DEFB116: variants seen among roughly 807,000 people sequenced by gnomAD.
DEFB116 encodes beta-defensin 116.
In DEFB116, 5 loss-of-function variants were observed where a neutral mutation model predicts 2.8. The ratio of observed to expected loss-of-function variants is 1.80; its 90% CI spans 0.94 to 3.79. The LOEUF (loss-of-function observed/expected upper bound fraction) is 3.79. Among genes scored for constraint, DEFB116 ranks in the 30% most tolerant of loss-of-function variants. The pLI is 0.00. For synonymous variants in DEFB116, 56 were observed against 40.8 expected, an observed-to-expected ratio of 1.37 and a Z score of -1.42; for missense variants, 170 against 118.0, an observed-to-expected ratio of 1.44 and a Z score of -2.04.
chr20:31,306,735 T>A (rs1036188488), intron 1 of DEFB116, among the ~76,000 whole-genome samples: 22 of 152,054 alleles, frequency 1.4e-4, no homozygotes, highest in Non-Finnish European at 5.9e-5. Flanking sequence ...AACCTCTAGA[T>A]CAGATGAATC....
chr20:31,305,681 C>A (rs1348375904), intron 1 of DEFB116, among the ~76,000 whole-genome samples: 1 of 151,812 alleles, frequency 6.6e-6, no homozygotes, highest in Non-Finnish European at 1.5e-5. Context: ...GCCCTCTGCA[C>A]CATGCTATAT....
chr20:31,303,973 G>A (rs868739645), intron 1 of DEFB116, among the ~76,000 whole-genome samples: 2 of 152,040 alleles, frequency 1.3e-5, no homozygotes, highest in South Asian at 4.1e-4. Flanking sequence ...TGAAACATAG[G>A]AGCAAACAAG....
chr20:31,303,432 T>C lies in DEFB116; in HGVS notation c.89A>G (p.Asn30Ser), dbSNP rs1170032867. The change falls in exon 2 of 2, where the codon AAT becomes AGT. Residue 30 changes from asparagine to serine, a missense_variant. Transcript: ENST00000400549. Reference sequence around the variant, plus strand: ...ATTCCAAGGCTCTCGGCTCTTGCCATTGTGGGATCTGAACAGGCCACCTGG... The same window carrying C: ...ATTCCAAGGCTCTCGGCTCTTGCCACTGTGGGATCTGAACAGGCCACCTGG... Reference protein sequence around the residue: ...KTPGGLFRSHNGKSREPWNPC... With the variant: ...KTPGGLFRSHSGKSREPWNPC... 1.9e-6 allele frequency: 3 copies of C among 1,613,226 alleles called. No individual in the cohort carries two copies. Among genetic ancestry groups the C allele is most frequent in the Admixed American group, 1.7e-5 (1 of 59,906 alleles).
Position 31,303,275 on chromosome 20 carries a change from C to T in DEFB116, c.246G>A (p.Lys82=). ...SVKITSSKNV[K]EDYDSNSNLS... is the part of the protein sequence containing the mutation. ...AGTTGGAGTTAGAGTCGTAATCCTC[C>T]TTCACATTTTTAGAACTGGTTATTT... Residue 82 remains lysine (K), a synonymous_variant, in exon 2 of 2, where the codon AAG becomes AAA. Transcript: ENST00000400549. 6.2e-7 allele frequency: 1 copy of T among 1,613,624 alleles called. No homozygotes were observed. The highest frequency in any genetic ancestry group is 8.5e-7 in the Non-Finnish European group (1 of 1,179,602).
intron 1 of DEFB116, among the ~76,000 whole-genome samples, chr20:31,304,425 T>C (rs1021711967): frequency 6.6e-6 from 1 of 152,148 alleles, no homozygotes; most frequent in Non-Finnish European, 1.5e-5. Flanking sequence ...TTACAAATGA[T>C]AGCTCACTGA....
rs368326400 is a variant in DEFB116, at chr20:31,308,508, G to T, written c.67+11C>A. On this transcript the variant is annotated intron_variant, in intron 1 of 1. Coordinates refer to ENST00000400549, the MANE Select transcript of DEFB116 (RefSeq NM_001037731.1). Reference sequence around the variant, plus strand: ...CAAGACGCCAGAACCTTTGAGAGAGGCCTGAGTTACCTGGAGTCTTTTGAG... The same window carrying T: ...CAAGACGCCAGAACCTTTGAGAGAGTCCTGAGTTACCTGGAGTCTTTTGAG... 9 of 1,613,160 alleles carry T rather than the reference G, an allele frequency of 5.6e-6. No individual in the cohort carries two copies. Among genetic ancestry groups the T allele is most frequent in the Non-Finnish European group, 7.6e-6 (9 of 1,179,336 alleles).
Position 31,303,387 on chromosome 20 carries a change from C to A in DEFB116, c.134G>T (p.Gly45Val), listed in dbSNP as rs367555948. 3 of 1,613,474 alleles carry A rather than the reference C, an allele frequency of 1.9e-6. No homozygotes were observed. Among genetic ancestry groups the A allele is most frequent in the Admixed American group, 1.7e-5 (1 of 59,936 alleles). The change falls in exon 2 of 2, where the codon GGC becomes GTC. Residue 45 changes from glycine (G) to valine (V), a missense_variant. Coordinates refer to ENST00000400549, the MANE Select transcript of DEFB116 (RefSeq NM_001037731.1). ...EPWNPCELYQ[G>V]MCRNACREYE... ...TTCTCTGCAGGCGTTTCTGCACATG[C>A]CTTGGTAAAGCTCACATGGATTCCA...
rs116277165 is a variant in DEFB116 at position 31,306,126 on chromosome 20, C to A, written c.67+2393G>T. Among the ~76,000 whole-genome samples, 293 of 152,250 alleles carry A rather than the reference C, an allele frequency of 1.9e-3. 2 individuals are homozygous for A. The highest frequency in any genetic ancestry group is 6.6e-3 in the African/African-American group (275 of 41,562). ...CCAAAATCAATGTGATATATTATTTCTCTGCCTGCTGTGCAACCAAACATG... is the reference window on the plus strand; with the variant it reads ...CCAAAATCAATGTGATATATTATTTATCTGCCTGCTGTGCAACCAAACATG... On this transcript the variant is annotated intron_variant, in intron 1 of 1. Transcript: ENST00000400549.
intron 1 of DEFB116, among the ~76,000 whole-genome samples, chr20:31,307,654 G>C (rs73611980): frequency 3.9e-5 from 6 of 151,996 alleles, no homozygotes. Flanking sequence ...GAAAATATTT[G>C]CAAATCATAT....
chr20:31,303,554 G>A (rs1984931514), intron 1 of DEFB116, 101 bp from the exon 2 acceptor site: 2 of 1,475,440 alleles, frequency 1.4e-6, no homozygotes, highest in Non-Finnish European at 1.8e-6. Context: ...AAGGGCACAA[G>A]ATCTGGAATC....
At chr20:31,305,359 T>A (rs1456105172) in intron 1 of DEFB116, among the ~76,000 whole-genome samples, 4 of 152,068 alleles carry the variant, frequency 2.6e-5, no homozygotes. Flanking sequence ...AGATTTCCTG[T>A]CTGCAGTCAC....
intron 1 of DEFB116, 57 bp downstream of exon 1, chr20:31,308,462 C>T: frequency 6.3e-7 from 1 of 1,583,948 alleles, no homozygotes. Flanking sequence ...GCAGAGGTCA[C>T]CAAGATACCA....
At chr20:31,308,392 AC>A in intron 1 of DEFB116, 126 bp downstream of exon 1, 1 of 828,520 alleles carries the variant, frequency 1.2e-6, no homozygotes, top group East Asian at 2.5e-5. Flanking sequence ...AACATCTGTG[AC>A]CCACCTGAGA....
At position 31,303,280 on chromosome 20, in the gene DEFB116, C is replaced by T. The variant is rs767833488; in HGVS notation, c.241G>A (p.Val81Met). 3.7e-6 allele frequency: 6 copies of T among 1,613,614 alleles called. No individual in the cohort carries two copies. The highest frequency in any genetic ancestry group is 5.1e-6 in the Non-Finnish European group (6 of 1,179,584). The change falls in exon 2 of 2, where the codon GTG (valine) becomes ATG (methionine). Residue 81 changes from valine to methionine, a missense_variant. Transcript: ENST00000400549. Reference protein sequence around the residue: ...LSVKITSSKNVKEDYDSNSNL... With the variant: ...LSVKITSSKNMKEDYDSNSNL... ...GAGTTAGAGTCGTAATCCTCCTTCA[C>T]ATTTTTAGAACTGGTTATTTTCACA...
chr20:31,303,781 G>T (rs1239103407), intron 1 of DEFB116, among the ~76,000 whole-genome samples: 2 of 152,136 alleles, frequency 1.3e-5, no homozygotes, highest in Non-Finnish European at 2.9e-5. Flanking sequence ...AGATGATGTA[G>T]TTGATATGAA....
intron 1 of DEFB116, among the ~76,000 whole-genome samples, chr20:31,308,030 T>C (rs1985033704): frequency 6.6e-6 from 1 of 152,040 alleles, no homozygotes; most frequent in Non-Finnish European, 1.5e-5. Context: ...AAAAATACCA[T>C]TTCCTCTCTA....
At chr20:31,308,277 G>C (rs1156242508) in intron 1 of DEFB116, among the ~76,000 whole-genome samples, 1 of 152,074 alleles carries the variant, frequency 6.6e-6, no homozygotes, top group Non-Finnish European at 1.5e-5. Context: ...TACCTAAAAT[G>C]TTCCATGCTT....
chr20:31,305,743 T>G (rs1423675087), intron 1 of DEFB116, among the ~76,000 whole-genome samples: 9 of 152,014 alleles, frequency 5.9e-5, no homozygotes, highest in Admixed American at 2.0e-4. Flanking sequence ...AATGGGAGAC[T>G]TTGCACCAAA....
At chr20:31,307,068 T>C (rs1443064481) in intron 1 of DEFB116, among the ~76,000 whole-genome samples, 1 of 152,186 alleles carries the variant, frequency 6.6e-6, no homozygotes, top group Non-Finnish European at 1.5e-5. Context: ...ATTTAATTTA[T>C]ACATTTTGAT....
Sources: allele counts gnomAD v4.1 joint callset (sites outside exome capture counted in the v4.1 genomes callset), GRCh38; gene constraint gnomAD v4.1.1; transcripts MANE v1.5; gene names NCBI Gene and HGNC (gene_info 2026-07-23, HGNC 2026-07-21).